PARN: variants seen among roughly 807,000 people sequenced by gnomAD.
The protein encoded by PARN is poly(A)-specific ribonuclease PARN.
Under a neutral mutation model 102.8 loss-of-function variants are expected in PARN, and 71 were observed. The ratio of observed to expected loss-of-function variants is 0.69; its 90% CI spans 0.57 to 0.84. The LOEUF (loss-of-function observed/expected upper bound fraction) is 0.84, where lower values mean the gene tolerates loss of function less well. Among genes scored for constraint, PARN ranks in the 40% least tolerant of loss-of-function variants. PARN has a pLI of 0.00. For missense variants in PARN, 782 were observed against 760.9 expected (o/e 1.03, Z -0.33); for synonymous variants, 261 against 252.9 (o/e 1.03, Z -0.30).
At chr16:14,530,512 G>A (rs974806139) in intron 21 of PARN, among the ~76,000 whole-genome samples, 1 of 150,522 alleles carries the variant, frequency 6.6e-6, no homozygotes, top group Non-Finnish European at 1.5e-5. Context: ...ACATACATCT[G>A]TACGTACAGA....
At chr16:14,570,358 AAGGAAAG>A (rs1217102214) in intron 18 of PARN, among the ~76,000 whole-genome samples, 2 of 149,938 alleles carry the variant, frequency 1.3e-5, no homozygotes, top group South Asian at 4.2e-4. Flanking sequence ...AGAAAAGAAA[AAGGAAAG>A]AGGGCCGGGC....
chr16:14,550,750 T>A (rs1967247159), intron 21 of PARN, among the ~76,000 whole-genome samples: 1 of 152,164 alleles, frequency 6.6e-6, no homozygotes, highest in African/African-American at 2.4e-5. Flanking sequence ...AACAAACACA[T>A]CACTTAAAAA....
chr16:14,498,155 T>C (rs545749931), intron 21 of PARN, among the ~76,000 whole-genome samples: 103 of 149,542 alleles, frequency 6.9e-4, no homozygotes, highest in Non-Finnish European at 1.0e-3. Context: ...AATTTACTTA[T>C]ACCTCATGAC....
chr16:14,500,960 G>C (rs1964554179), intron 21 of PARN, among the ~76,000 whole-genome samples: 1 of 152,106 alleles, frequency 6.6e-6, no homozygotes. Context: ...CTGTGGCAAG[G>C]AGGTCCATGG....
intron 10 of PARN, among the ~76,000 whole-genome samples, chr16:14,604,763 G>A (rs558514391): frequency 4.0e-5 from 6 of 151,896 alleles, no homozygotes; most frequent in South Asian, 2.1e-4. Context: ...TTACAGGTGC[G>A]CACCAATACG....
rs550743780 is a variant in PARN at position 14,552,287 on chromosome 16, T to G, written c.1406-192A>C. 3.3e-5 allele frequency among the ~76,000 whole-genome samples: 5 copies of G among 152,244 alleles called. No individual in the cohort carries two copies. The South Asian group carries it at 8.3e-4, about 25-fold the overall frequency. ...AAGGCTACCACAGCAGTTATTTACG[T>G]TAAAACTTCAAGAGAAGAGACAAAC... On this transcript the variant is annotated intron_variant, in intron 20 of 23. Transcript: ENST00000437198.
At position 14,435,933 on chromosome 16, in the gene PARN, C is replaced by CGT. The variant is rs1567277429; in HGVS notation, c.*783_*784insAC. ...ACACACACACACACACACACACACACACACACACACAGACACGTACGCACA... is the reference window on the plus strand; with the variant it reads ...ACACACACACACACACACACACACACGTACACACACACAGACACGTACGCACA... On this transcript the variant is annotated 3_prime_UTR_variant, in exon 24 of 24. Coordinates refer to ENST00000437198, the MANE Select transcript of PARN (RefSeq NM_002582.4). The CGT allele has an allele frequency of 1.3e-5, 2 of 151,048 alleles. No homozygotes were observed. Among genetic ancestry groups the CGT allele is most frequent in the African/African-American group, 4.9e-5 (2 of 41,140 alleles). 9.4% of individuals were successfully genotyped at this position (151,048 alleles called of 1,614,324 possible). A position where few individuals can be genotyped will look rare whatever the true frequency, so the allele number is the denominator to read the frequency against.
In PARN at chr16:14,582,308, A is replaced by G. The variant is rs766062289; in HGVS notation, c.1082-17T>C. The G allele has an allele frequency of 1.9e-6, 3 of 1,564,434 alleles. No homozygotes were observed. The South Asian group carries it at 3.3e-5, about 17-fold the overall frequency. ...CGGCACTTTCTAAGAAAAAAAAGGA[A>G]AAAGTTTTCCTCAAAACAAAGACTA... On this transcript the variant is annotated splice_polypyrimidine_tract_variant and intron_variant, in intron 16 of 23. Coordinates refer to ENST00000437198, the MANE Select transcript of PARN (RefSeq NM_002582.4).
chr16:14,604,767 C>T (rs1274296417), intron 10 of PARN, among the ~76,000 whole-genome samples: 1 of 151,862 alleles, frequency 6.6e-6, no homozygotes, highest in Non-Finnish European at 1.5e-5. Flanking sequence ...AGGTGCGCAC[C>T]AATACGCCCA....
At chr16:14,616,049 T>C (rs1971880882) in intron 6 of PARN, among the ~76,000 whole-genome samples, 2 of 152,136 alleles carry the variant, frequency 1.3e-5, no homozygotes, top group African/African-American at 4.8e-5. Flanking sequence ...CCTCCTTCCC[T>C]CTTTCATTCA....
At chr16:14,511,740 A>G (rs572177916) in intron 21 of PARN, among the ~76,000 whole-genome samples, 1 of 152,142 alleles carries the variant, frequency 6.6e-6, no homozygotes, top group Admixed American at 6.5e-5. Flanking sequence ...TCACCATCTC[A>G]CCCAGTCTGG....
chr16:14,502,882 C>A (rs927412950), intron 21 of PARN, among the ~76,000 whole-genome samples: 2 of 152,088 alleles, frequency 1.3e-5, no homozygotes, highest in African/African-American at 4.8e-5. Context: ...TGAAGAACCA[C>A]GGCTTAACTT....
intron 6 of PARN, among the ~76,000 whole-genome samples, chr16:14,613,321 A>AC (rs1024442436): frequency 2.0e-5 from 3 of 150,882 alleles, no homozygotes; most frequent in Non-Finnish European, 4.4e-5. Context: ...AAAAAAAAAA[A>AC]AAAACAAAAC....
intron 18 of PARN, among the ~76,000 whole-genome samples, chr16:14,579,723 C>G (rs2151747005): frequency 6.6e-6 from 1 of 152,116 alleles, no homozygotes; most frequent in East Asian, 1.9e-4. Flanking sequence ...ACCTGTAATC[C>G]CAGCACTTTG....
intron 12 of PARN, among the ~76,000 whole-genome samples, chr16:14,595,130 A>T (rs1343212736): frequency 6.6e-6 from 1 of 152,228 alleles, no homozygotes; most frequent in Non-Finnish European, 1.5e-5. Flanking sequence ...TTTCATCAAT[A>T]AATGTACTTC....
intron 23 of PARN, among the ~76,000 whole-genome samples, chr16:14,443,186 T>C (rs754839185): frequency 2.0e-5 from 3 of 152,184 alleles, no homozygotes; most frequent in Non-Finnish European, 4.4e-5. Context: ...CAATAAATAG[T>C]CCTTTCTTCC....
At chr16:14,504,618 G>T (rs1964795679) in intron 21 of PARN, among the ~76,000 whole-genome samples, 1 of 151,902 alleles carries the variant, frequency 6.6e-6, no homozygotes, top group African/African-American at 2.4e-5. Context: ...GGAGAGGGGA[G>T]AAAAAATACG....
chr16:14,455,006 T>C (rs573717665), intron 22 of PARN, among the ~76,000 whole-genome samples: 7 of 152,274 alleles, frequency 4.6e-5, no homozygotes, highest in Admixed American at 2.6e-4. Context: ...GATATAGACG[T>C]TTGTTAACAG....
chr16:14,513,171 C>T (rs372331355), intron 21 of PARN, among the ~76,000 whole-genome samples: 2 of 152,212 alleles, frequency 1.3e-5, no homozygotes, highest in South Asian at 2.1e-4. Context: ...GTGATCTGCC[C>T]GCCTCGGCCT....
Sources: allele counts gnomAD v4.1 joint callset (sites outside exome capture counted in the v4.1 genomes callset), GRCh38; gene constraint gnomAD v4.1.1; transcripts MANE v1.5; gene names NCBI Gene and HGNC (gene_info 2026-07-23, HGNC 2026-07-21).